The following PPARGC1A variants were observed in gnomAD, a reference collection of about 807,000 sequenced individuals.
PPARGC1A encodes peroxisome proliferator-activated receptor gamma coactivator 1-alpha.
PPARGC1A carries 25 observed loss-of-function variants against 88.7 expected under a neutral mutation model. That is an observed-to-expected ratio of 0.28 (90% CI 0.21 to 0.39). The LOEUF (loss-of-function observed/expected upper bound fraction) is 0.39, where lower values mean the gene tolerates loss of function less well. PPARGC1A is among the 10% of genes least tolerant of loss of function. PPARGC1A has a pLI of 1.00. For synonymous variants in PPARGC1A, 363 were observed against 355.6 expected, an observed-to-expected ratio of 1.02 and a Z score of -0.24; for missense variants, 880 against 968.7, an observed-to-expected ratio of 0.91 and a Z score of 1.22.
chr4:23,931,680 G>A, the PPARGC1A span, among the ~76,000 whole-genome samples: 1 of 152,054 alleles, frequency 6.6e-6, no homozygotes, highest in African/African-American at 2.4e-5. Context: ...CTCTCTCTAA[G>A]CTTTATTATC....
At chr4:24,437,597 G>T in the PPARGC1A span, among the ~76,000 whole-genome samples, 24 of 39,324 alleles carry the variant, frequency 6.1e-4, no homozygotes, top group East Asian at 6.3e-3. Flanking sequence ...CAGGTTTTTT[G>T]TTGTTGTTGT....
the PPARGC1A span, among the ~76,000 whole-genome samples, chr4:24,200,884 A>T: frequency 6.6e-6 from 1 of 152,054 alleles, no homozygotes; most frequent in African/African-American, 2.4e-5. Context: ...TATTGAAGTG[A>T]CTCTGTTTTC....
chr4:23,971,420 A>G, the PPARGC1A span, among the ~76,000 whole-genome samples: 4 of 152,176 alleles, frequency 2.6e-5, no homozygotes, highest in East Asian at 7.7e-4. Context: ...AACTAATAGG[A>G]CAGAAAAATA....
chr4:23,826,026 A>G (rs1723866364), intron 5 of PPARGC1A, among the ~76,000 whole-genome samples: 1 of 152,208 alleles, frequency 6.6e-6, no homozygotes, highest in Non-Finnish European at 1.5e-5. Flanking sequence ...ATGTACATTG[A>G]AAATCAGTCA....
At chr4:24,297,702 T>G in the PPARGC1A span, among the ~76,000 whole-genome samples, 1 of 152,122 alleles carries the variant, frequency 6.6e-6, no homozygotes, top group African/African-American at 2.4e-5. Context: ...TTTTATTCAA[T>G]TCAACCACTA....
At chr4:24,268,891 G>A in the PPARGC1A span, among the ~76,000 whole-genome samples, 3 of 152,012 alleles carry the variant, frequency 2.0e-5, no homozygotes, top group East Asian at 1.9e-4. Context: ...CTACTATATC[G>A]AGTACTGTTG....
chr4:24,308,873 T>C, the PPARGC1A span, among the ~76,000 whole-genome samples: 2 of 151,958 alleles, frequency 1.3e-5, no homozygotes, highest in African/African-American at 4.8e-5. Context: ...TAATTAGTAA[T>C]GGGATGGGGG....
chr4:24,307,742 G>A, the PPARGC1A span, among the ~76,000 whole-genome samples: 1 of 152,178 alleles, frequency 6.6e-6, no homozygotes, highest in African/African-American at 2.4e-5. Context: ...TGTTTGAGAC[G>A]TTAATTAACA....
At chr4:23,906,651 T>G (rs1381442173), upstream of PPARGC1A, among the ~76,000 whole-genome samples, 1 of 150,974 alleles carries the variant, frequency 6.6e-6, no homozygotes, top group African/African-American at 2.4e-5. Flanking sequence ...ATGCTACAAC[T>G]GTGTTTCCAT....
chr4:24,260,896 C>T, the PPARGC1A span, among the ~76,000 whole-genome samples: 6 of 152,126 alleles, frequency 3.9e-5, no homozygotes, highest in African/African-American at 1.4e-4. Flanking sequence ...ACCTGTTAGC[C>T]CTTGTAGCTA....
chr4:23,838,713 A>G (rs534997589), intron 2 of PPARGC1A, among the ~76,000 whole-genome samples: 5 of 152,302 alleles, frequency 3.3e-5, no homozygotes, highest in African/African-American at 1.2e-4. Context: ...GAAATAACAT[A>G]AATTTTAATT....
the PPARGC1A span, among the ~76,000 whole-genome samples, chr4:24,073,858 T>C: frequency 6.6e-6 from 1 of 152,126 alleles, no homozygotes; most frequent in Non-Finnish European, 1.5e-5. Flanking sequence ...GTTAACCAGC[T>C]GTGTGTCTCA....
the PPARGC1A span, among the ~76,000 whole-genome samples, chr4:24,017,729 AC>A: frequency 6.6e-6 from 1 of 152,190 alleles, no homozygotes; most frequent in African/African-American, 2.4e-5. Flanking sequence ...ATGATGTTCA[AC>A]TTTTGGGTGT....
chr4:24,263,914 T>G, the PPARGC1A span, among the ~76,000 whole-genome samples: 1 of 152,004 alleles, frequency 6.6e-6, no homozygotes, highest in Non-Finnish European at 1.5e-5. Flanking sequence ...CATGCCCAGC[T>G]AATTTTTTAT....
the PPARGC1A span, among the ~76,000 whole-genome samples, chr4:24,122,392 T>C: frequency 1.5e-5 from 2 of 135,826 alleles, no homozygotes; most frequent in Non-Finnish European, 3.2e-5. Context: ...CGTATGTGTG[T>C]GTGTGTGTGT....
the PPARGC1A span, among the ~76,000 whole-genome samples, chr4:24,238,245 C>T: frequency 9.9e-5 from 15 of 152,134 alleles, no homozygotes; most frequent in African/African-American, 3.6e-4. Flanking sequence ...CCATGAACTG[C>T]CTTTATACTT....
the PPARGC1A span, among the ~76,000 whole-genome samples, chr4:24,399,362 G>GA: frequency 6.6e-6 from 1 of 152,072 alleles, no homozygotes; most frequent in African/African-American, 2.4e-5. Flanking sequence ...TTTATAATGA[G>GA]AAAAAAGTAT....
At chr4:24,123,910 C>CAAAAAAAAAAAAAAAAAAAAAA in the PPARGC1A span, among the ~76,000 whole-genome samples, 1 of 123,442 alleles carries the variant, frequency 8.1e-6, no homozygotes, top group African/African-American at 3.1e-5. Context: ...TCTAAGTTGG[C>CAAAAAAAAAAAAAAAAAAAAAA]AAAAAAAAAA....
the PPARGC1A span, among the ~76,000 whole-genome samples, chr4:24,243,953 C>T: frequency 0.014 from 2,158 of 152,290 alleles, 58 homozygotes; most frequent in African/African-American, 0.049. Context: ...ATAGATTTGG[C>T]ATCTGTTGAG....
Sources: allele counts gnomAD v4.1 joint callset (sites outside exome capture counted in the v4.1 genomes callset), GRCh38; gene constraint gnomAD v4.1.1; transcripts MANE v1.5; gene names NCBI Gene and HGNC (gene_info 2026-07-23, HGNC 2026-07-21).